SMG6: variants seen among roughly 807,000 people sequenced by gnomAD.
The protein encoded by SMG6 is SMG6 nonsense mediated mRNA decay factor, also known as telomerase-binding protein EST1A.
Under a neutral mutation model 142.2 loss-of-function variants are expected in SMG6, and 66 were observed. The ratio of observed to expected loss-of-function variants is 0.46; its 90% CI spans 0.38 to 0.57. The LOEUF (loss-of-function observed/expected upper bound fraction) is 0.57, where lower values mean the gene tolerates loss of function less well. SMG6 is among the 20% of genes least tolerant of loss of function. SMG6 has a pLI of 0.00. For missense variants in SMG6, 1,793 were observed against 1,832.0 expected, an observed-to-expected ratio of 0.98 and a Z score of 0.39; for synonymous variants, 779 against 702.4, an observed-to-expected ratio of 1.11 and a Z score of -1.72.
intron 13 of SMG6, among the ~76,000 whole-genome samples, chr17:2,149,883 G>A (rs1400892786): frequency 6.6e-6 from 1 of 152,186 alleles, no homozygotes; most frequent in African/African-American, 2.4e-5. Flanking sequence ...GTTTCCACCG[G>A]GAGGGTCCTG....
intron 10 of SMG6, among the ~76,000 whole-genome samples, chr17:2,225,133 G>A (rs944249895): frequency 1.3e-5 from 2 of 152,050 alleles, no homozygotes; most frequent in Non-Finnish European, 1.5e-5. Context: ...GAAAGAAAAT[G>A]ATCCCAGATA....
chr17:2,195,142 TG>T (rs1386178307), intron 10 of SMG6, among the ~76,000 whole-genome samples: 1 of 152,216 alleles, frequency 6.6e-6, no homozygotes, highest in Non-Finnish European at 1.5e-5. Context: ...CTCCAGGCTG[TG>T]GGGTGACAGG....
chr17:2,204,327 G>A (rs1342969174), intron 10 of SMG6, among the ~76,000 whole-genome samples: 1 of 152,156 alleles, frequency 6.6e-6, no homozygotes, highest in Non-Finnish European at 1.5e-5. Flanking sequence ...TGAAAAATAA[G>A]ACCAATGATA....
intron 13 of SMG6, among the ~76,000 whole-genome samples, chr17:2,116,509 G>A (rs887854913): frequency 1.1e-4 from 17 of 152,186 alleles, no homozygotes; most frequent in African/African-American, 2.7e-4. Context: ...GGGGTCAGGA[G>A]TTTGAGGTCA....
At chr17:2,088,245 T>G (rs2068619584) in intron 13 of SMG6, 1 of 985,152 alleles carries the variant, frequency 1.0e-6, no homozygotes, top group African/African-American at 1.7e-5. Flanking sequence ...TAAGAAAGCA[T>G]GGTTTCTGGC....
intron 13 of SMG6, among the ~76,000 whole-genome samples, chr17:2,090,167 G>A (rs1270305543): frequency 7.8e-6 from 1 of 127,966 alleles, no homozygotes; most frequent in Non-Finnish European, 1.6e-5. Context: ...CAGGCAACAA[G>A]GCGAGACTCT....
chr17:2,258,028 A>ATATATAT (rs1260585332), intron 8 of SMG6, among the ~76,000 whole-genome samples: 10 of 107,978 alleles, frequency 9.3e-5, no homozygotes, highest in Admixed American at 8.9e-4. Flanking sequence ...AAAAAAAAAA[A>ATATATAT]AAAAAAATAT....
rs970129910 is a variant in SMG6, at chr17:2,166,997, G to A, written c.3357+5661C>T. ...AAAAAAATTAGCTACTTGTGGCAGC[G>A]CGTGCCCCTGTAATCCCAGCTACGC... On this transcript the variant is annotated intron_variant, in intron 13 of 18. Transcript: ENST00000263073. Among the ~76,000 whole-genome samples the A allele has an allele frequency of 4.6e-5, 7 of 152,044 alleles. No homozygotes were observed. The East Asian group carries it at 7.8e-4, about 17-fold the overall frequency.
At chr17:2,184,767 C>A (rs904473961) in intron 12 of SMG6, among the ~76,000 whole-genome samples, 1 of 149,552 alleles carries the variant, frequency 6.7e-6, no homozygotes, top group Non-Finnish European at 1.5e-5. Flanking sequence ...GAGTTTGAGA[C>A]CAGCCTGGCC....
intron 13 of SMG6, among the ~76,000 whole-genome samples, chr17:2,128,817 C>CAAAAAAAAA (rs367580981): frequency 1.4e-5 from 1 of 73,074 alleles, no homozygotes; most frequent in African/African-American, 4.5e-5. Context: ...GAGCAAGACT[C>CAAAAAAAAA]AAAAAAAAAA....
rs1344001404 is a variant in SMG6, at chr17:2,130,760, AC to A, written c.3357+41897del. The stretch of plus-strand genomic sequence containing the variant: ...AATCAAGTGGTTTAAAAAAAAAAAA[AC>A]ATCAAATAGGCCAGGCGGGTGGATC... On this transcript the variant is annotated intron_variant, in intron 13 of 18. Coordinates refer to ENST00000263073, the MANE Select transcript of SMG6 (RefSeq NM_017575.5). Among the ~76,000 whole-genome samples the A allele has an allele frequency of 5.9e-5, 9 of 151,794 alleles. No individual in the cohort carries two copies. In the East Asian group the frequency reaches 1.7e-3, roughly 29 times the overall value.
chr17:2,060,350 G>A lies in SMG6; in HGVS notation c.*1142C>T, dbSNP rs1193089818. The A allele has an allele frequency of 2.0e-5, 3 of 152,270 alleles. No individual in the cohort carries two copies. The highest frequency in any genetic ancestry group is 1.5e-5 in the Non-Finnish European group (1 of 68,062). 9.4% of individuals were successfully genotyped at this position (152,270 alleles called of 1,614,324 possible). ...GTCAGTGTCAGTTTTTCCGGGGAGT[G>A]AGGGCAAAGCTAGAAACCAGGTTAG... On this transcript the variant is annotated 3_prime_UTR_variant, in exon 19 of 19. Coordinates refer to ENST00000263073, the MANE Select transcript of SMG6 (RefSeq NM_017575.5).
intron 10 of SMG6, chr17:2,213,895 T>C (rs951470265): frequency 6.6e-6 from 1 of 152,222 alleles, no homozygotes; most frequent in African/African-American, 2.4e-5. Flanking sequence ...CTGGCTGTGT[T>C]AGAATTACAG....
chr17:2,151,065 C>T (rs1597475643), intron 13 of SMG6, among the ~76,000 whole-genome samples: 2 of 152,142 alleles, frequency 1.3e-5, no homozygotes, highest in South Asian at 2.1e-4. Flanking sequence ...AACGCTGGAC[C>T]GAGGCCAACA....
At chr17:2,192,741 CCTT>C (rs1469839366) in intron 10 of SMG6, among the ~76,000 whole-genome samples, 1 of 152,206 alleles carries the variant, frequency 6.6e-6, no homozygotes, top group African/African-American at 2.4e-5. Context: ...ACCAAAACCT[CCTT>C]GTCTACAGGA....
intron 13 of SMG6, among the ~76,000 whole-genome samples, chr17:2,107,463 T>A (rs2069185492): frequency 6.6e-6 from 1 of 152,202 alleles, no homozygotes; most frequent in South Asian, 2.1e-4. Flanking sequence ...AAGTGAGAAC[T>A]AGTTGTTAGC....
chr17:2,298,650 A>G (rs216197), intron 2 of SMG6, among the ~76,000 whole-genome samples: 88,242 of 151,146 alleles, frequency 0.58, 26,752 homozygotes, highest in East Asian at 0.75. Context: ...CCCAGGAGGC[A>G]GAGTTTGTAG....
In SMG6 at chr17:2,297,154, A is replaced by C. The variant is rs2075160611; in HGVS notation, c.2151+89T>G. The C allele has an allele frequency of 4.6e-6, 4 of 862,736 alleles. No individual in the cohort carries two copies. In the East Asian group the frequency reaches 9.8e-5, roughly 21 times the overall value. 53.4% of individuals were successfully genotyped at this position (862,736 alleles called of 1,614,324 possible). A position where few individuals can be genotyped will look rare whatever the true frequency, so the allele number is the denominator to read the frequency against. ...ACTGTATCATTATTTTATCCTCAAC[A>C]CCCAGTACAGTGTCTAGCACATACC... On this transcript the variant is annotated intron_variant, in intron 4 of 18. Coordinates refer to ENST00000263073, the MANE Select transcript of SMG6 (RefSeq NM_017575.5).
At chr17:2,269,000 C>G (rs982197740) in intron 8 of SMG6, among the ~76,000 whole-genome samples, 6 of 151,488 alleles carry the variant, frequency 4.0e-5, no homozygotes, top group African/African-American at 1.5e-4. Context: ...GTAAGGAGAT[C>G]GAGACCATCC....
Sources: allele counts gnomAD v4.1 joint callset (sites outside exome capture counted in the v4.1 genomes callset), GRCh38; gene constraint gnomAD v4.1.1; transcripts MANE v1.5; gene names NCBI Gene and HGNC (gene_info 2026-07-23, HGNC 2026-07-21).